The following HECW1 variants were observed in gnomAD, a reference collection of about 807,000 sequenced individuals.
The protein encoded by HECW1 is E3 ubiquitin-protein ligase HECW1.
A neutral mutation model predicts 182.3 loss-of-function variants in HECW1; 61 were observed. The ratio of observed to expected loss-of-function variants is 0.33; its 90% confidence interval spans 0.27 to 0.41. The LOEUF (loss-of-function observed/expected upper bound fraction) is 0.41. HECW1 is among the 10% of genes least tolerant of loss of function. HECW1 has a pLI of 1.00. For synonymous variants in HECW1, 859 were observed against 832.6 expected, an observed-to-expected ratio of 1.03 and a Z score of -0.55; for missense variants, 1,739 against 2,108.9, an observed-to-expected ratio of 0.82 and a Z score of 3.44.
intron 3 of HECW1, 45 bp from the exon 4 acceptor site, chr7:43,311,716 GTT>G (rs762890329): frequency 6.4e-7 from 1 of 1,567,122 alleles, no homozygotes; most frequent in Non-Finnish European, 8.8e-7. Flanking sequence ...CGGTGACTGA[GTT>G]GCCGGCGTGC....
intron 6 of HECW1, among the ~76,000 whole-genome samples, chr7:43,382,704 G>A (rs1761311374): frequency 6.6e-6 from 1 of 152,124 alleles, no homozygotes; most frequent in Admixed American, 6.5e-5. Flanking sequence ...TGGGGGGAGG[G>A]GTTGGATAAA....
In HECW1 at chr7:43,114,235, T is replaced by C; in HGVS notation, c.-188T>C. On this transcript the variant is annotated 5_prime_UTR_variant, in exon 2 of 30. Coordinates refer to ENST00000395891, the MANE Select transcript of HECW1 (RefSeq NM_015052.5). ...AAATTGAGGGAGGCATCTTCTCTCT[T>C]TTCCTGGGATTTAAACGCGATTTAG... 1 of 1,362,368 alleles carries C rather than the reference T, an allele frequency of 7.3e-7. No homozygotes were observed. The highest frequency in any genetic ancestry group is 9.7e-7 in the Non-Finnish European group (1 of 1,034,696). 84.4% of individuals were successfully genotyped at this position (1,362,368 alleles called of 1,614,324 possible).
At chr7:43,262,103 C>T (rs1391737035) in intron 3 of HECW1, among the ~76,000 whole-genome samples, 1 of 152,100 alleles carries the variant, frequency 6.6e-6, no homozygotes, top group East Asian at 1.9e-4. Flanking sequence ...CACCTGTAAT[C>T]CCAGCTACTT....
intron 5 of HECW1, among the ~76,000 whole-genome samples, chr7:43,340,691 TAC>T (rs371332417): frequency 1.3e-5 from 2 of 151,826 alleles, no homozygotes; most frequent in African/African-American, 4.9e-5. Context: ...AAATTAAAGC[TAC>T]AGTGTCGTCT....
In HECW1 at chr7:43,137,671, T is replaced by C. The variant is rs113726032; in HGVS notation, c.-32+23280T>C. On this transcript the variant is annotated intron_variant, in intron 2 of 29. Transcript: ENST00000395891. ...CTCAGGTGATCCTCCCACCTCAGCC[T>C]CCCGAGTAGCTAGAACTACAGGCAT... Among the ~76,000 whole-genome samples, 740 of 152,120 alleles carry C rather than the reference T, an allele frequency of 4.9e-3. 3 individuals carry two copies. Among genetic ancestry groups the C allele is most frequent in the African/African-American group, 0.017 (695 of 41,474 alleles).
At chr7:43,428,126 T>C (rs927849307) in intron 8 of HECW1, among the ~76,000 whole-genome samples, 15 of 152,310 alleles carry the variant, frequency 9.8e-5, no homozygotes, top group African/African-American at 3.6e-4. Context: ...ACCACATTTA[T>C]TATCCTTCAG....
At chr7:43,542,975 T>G (rs926491042) in intron 26 of HECW1, among the ~76,000 whole-genome samples, 8 of 152,188 alleles carry the variant, frequency 5.3e-5, no homozygotes, top group African/African-American at 1.9e-4. Flanking sequence ...ATTACAGAAA[T>G]GATTCTTTTT....
intron 5 of HECW1, among the ~76,000 whole-genome samples, chr7:43,325,772 G>A (rs1291130509): frequency 1.3e-5 from 2 of 152,130 alleles, no homozygotes; most frequent in Non-Finnish European, 2.9e-5. Flanking sequence ...CACCTCCCGG[G>A]TCAGTCTTAG....
Position 43,565,602 on chromosome 7 carries a change from G to T in HECW1, c.*3676G>T, listed in dbSNP as rs755890583. 7.2e-4 allele frequency: 118 copies of T among 164,954 alleles called. No homozygotes were observed. The highest frequency in any genetic ancestry group is 1.0e-3 in the Non-Finnish European group (81 of 78,676). 10.2% of individuals were successfully genotyped at this position (164,954 alleles called of 1,614,324 possible). On this transcript the variant is annotated 3_prime_UTR_variant, in exon 30 of 30. Coordinates refer to ENST00000395891, the MANE Select transcript of HECW1 (RefSeq NM_015052.5). The stretch of plus-strand genomic sequence containing the variant: ...TTATTTTTATTATTATTATTATTAC[G>T]TACTTCAGTGTTCATTATTAAAACT...
At chr7:43,119,168 T>C (rs1365808743) in intron 2 of HECW1, 3 of 152,370 alleles carry the variant, frequency 2.0e-5, no homozygotes, top group Non-Finnish European at 4.4e-5. Context: ...CTCTCACCTT[T>C]TGCCTGTCTT....
intron 3 of HECW1, among the ~76,000 whole-genome samples, chr7:43,291,148 A>G (rs1805350988): frequency 6.6e-6 from 1 of 152,242 alleles, no homozygotes; most frequent in Non-Finnish European, 1.5e-5. Flanking sequence ...GCACTCGAAC[A>G]TAAATTTAGT....
At chr7:43,388,018 C>G (rs149021490) in intron 6 of HECW1, among the ~76,000 whole-genome samples, 2 of 152,190 alleles carry the variant, frequency 1.3e-5, no homozygotes, top group Non-Finnish European at 2.9e-5. Context: ...CAGTGAGATA[C>G]GTTTTATTAT....
chr7:43,390,373 T>C (rs2074975447), intron 6 of HECW1, among the ~76,000 whole-genome samples: 1 of 151,966 alleles, frequency 6.6e-6, no homozygotes, highest in Middle Eastern at 3.4e-3. Flanking sequence ...ACCCCGTTCC[T>C]ACAAAAAAAT....
chr7:43,131,515 G>A (rs1786913570), intron 2 of HECW1, among the ~76,000 whole-genome samples: 1 of 152,290 alleles, frequency 6.6e-6, no homozygotes, highest in South Asian at 2.1e-4. Context: ...TTAATACAGT[G>A]TATACAAATC....
At chr7:43,553,332 C>T (rs1585283718) in intron 28 of HECW1, among the ~76,000 whole-genome samples, 1 of 152,158 alleles carries the variant, frequency 6.6e-6, no homozygotes, top group Admixed American at 6.5e-5. Context: ...GTCCCCAGTA[C>T]ACTCAGCCCC....
chr7:43,298,713 A>G (rs1019887326), intron 3 of HECW1, among the ~76,000 whole-genome samples: 1 of 152,158 alleles, frequency 6.6e-6, no homozygotes, highest in Non-Finnish European at 1.5e-5. Flanking sequence ...TTTAATACTT[A>G]GTCTCTTGGA....
chr7:43,357,058 T>G (rs1815239259), intron 5 of HECW1, among the ~76,000 whole-genome samples: 1 of 151,938 alleles, frequency 6.6e-6, no homozygotes, highest in South Asian at 2.1e-4. Flanking sequence ...TCACCCCAAT[T>G]AAAACAGGAC....
chr7:43,308,035 T>C (rs1351508689), intron 3 of HECW1, among the ~76,000 whole-genome samples: 1 of 113,730 alleles, frequency 8.8e-6, no homozygotes, highest in Non-Finnish European at 1.6e-5. Context: ...TATTATATAT[T>C]ATATTGTATT....
At chr7:43,250,802 T>G (rs1799945416) in intron 3 of HECW1, among the ~76,000 whole-genome samples, 1 of 152,298 alleles carries the variant, frequency 6.6e-6, no homozygotes, top group Non-Finnish European at 1.5e-5. Flanking sequence ...GGCAATTTTA[T>G]GTAAAAATTC....
Sources: gnomAD v4.1 joint callset for allele counts (sites outside exome capture counted in the v4.1 genomes callset) on GRCh38, gnomAD v4.1.1 for gene constraint, MANE v1.5 for transcripts, NCBI Gene and HGNC (gene_info 2026-07-23, HGNC 2026-07-21) for gene names.